Variants in CACNB2 observed in about 807,000 individuals in gnomAD.
CACNB2 encodes the protein calcium voltage-gated channel auxiliary subunit beta 2.
In CACNB2, 42 loss-of-function variants were observed where a neutral mutation model predicts 73.3. The ratio of observed to expected loss-of-function variants is 0.57; its 90% CI spans 0.45 to 0.74. The LOEUF (loss-of-function observed/expected upper bound fraction) is 0.74. Among genes scored for constraint, CACNB2 ranks in the 30% least tolerant of loss-of-function variants. CACNB2 has a pLI of 0.00. For missense variants in CACNB2, 940 were observed against 853.0 expected (o/e 1.10, Z -1.27); for synonymous variants, 348 against 310.3 (o/e 1.12, Z -1.28).
intron 3 of CACNB2, among the ~76,000 whole-genome samples, chr10:18,441,308 G>A (rs1325102280): frequency 1.3e-5 from 2 of 152,192 alleles, no homozygotes; most frequent in African/African-American, 2.4e-5. Flanking sequence ...AGGAGGCTGA[G>A]GCAGGAGAAT....
chr10:18,195,565 A>G (rs946582985), intron 2 of CACNB2, among the ~76,000 whole-genome samples: 1 of 152,230 alleles, frequency 6.6e-6, no homozygotes, highest in African/African-American at 2.4e-5. Flanking sequence ...GAGAGCGTGG[A>G]TTATGAGCTC....
intron 9 of CACNB2, among the ~76,000 whole-genome samples, chr10:18,523,541 C>T (rs2052139030): frequency 6.6e-6 from 1 of 152,206 alleles, no homozygotes; most frequent in Non-Finnish European, 1.5e-5. Context: ...CTTGGCTCAT[C>T]TTGACTTACA....
In CACNB2 at chr10:18,518,349, C is replaced by T. The variant is rs375425461; in HGVS notation, c.818C>T (p.Pro273Leu). The change falls in exon 8 of 14, where the codon CCT becomes CTT. Residue 273 changes from proline to leucine, a missense_variant. Coordinates refer to ENST00000324631, the MANE Select transcript of CACNB2 (RefSeq NM_201596.3). The part of the protein sequence containing the change: ...MPFFKKTEHT[P>L]PYDVVPSMRP... ...CTCTCTCTGCAGACAGAGCACACTC[C>T]TCCGTATGATGTGGTACCTTCCATG... 2.5e-6 allele frequency: 4 copies of T among 1,612,884 alleles called. No homozygotes were observed. Among genetic ancestry groups the T allele is most frequent in the Non-Finnish European group, 2.5e-6 (3 of 1,178,882 alleles).
chr10:18,161,405 T>TGACCATACC (rs1309675545), intron 2 of CACNB2, among the ~76,000 whole-genome samples: 1 of 152,236 alleles, frequency 6.6e-6, no homozygotes, highest in East Asian at 1.9e-4. Flanking sequence ...TACTTTGCCC[T>TGACCATACC]GACCATACTT....
chr10:18,425,785 C>T lies in CACNB2; in HGVS notation c.333+23742C>T, dbSNP rs370162604. ...ATTTCATCTTTCATCTGTAATTCCT[C>T]GATCTTTCTGGAACTGGCTTTTGTA... On this transcript the variant is annotated intron_variant, in intron 3 of 13. Coordinates refer to ENST00000324631, the MANE Select transcript of CACNB2 (RefSeq NM_201596.3). 1.7e-4 allele frequency among the ~76,000 whole-genome samples: 26 copies of T among 152,278 alleles called. 1 individual carries two copies. In the East Asian group the frequency reaches 3.5e-3, roughly 20 times the overall value.
At chr10:18,424,087 T>C (rs2132748502) in intron 3 of CACNB2, among the ~76,000 whole-genome samples, 1 of 152,200 alleles carries the variant, frequency 6.6e-6, no homozygotes, top group South Asian at 2.1e-4. Flanking sequence ...ATACAGAGTG[T>C]CACTAATAGC....
intron 2 of CACNB2, among the ~76,000 whole-genome samples, chr10:18,153,879 G>A (rs2031814365): frequency 6.9e-6 from 1 of 144,566 alleles, no homozygotes; most frequent in Non-Finnish European, 1.5e-5. Flanking sequence ...ACCATGCCCG[G>A]CAGCATACTA....
At chr10:18,476,245 A>T (rs999049996) in intron 3 of CACNB2, among the ~76,000 whole-genome samples, 2 of 152,158 alleles carry the variant, frequency 1.3e-5, no homozygotes, top group African/African-American at 2.4e-5. Context: ...ATGTTAATGC[A>T]TTGTAATTAG....
chr10:18,534,311 G>A, intron 11 of CACNB2, 84 bp downstream of exon 11: 19 of 1,142,214 alleles, frequency 1.7e-5, no homozygotes, highest in Non-Finnish European at 2.5e-5. Flanking sequence ...TTAGGCTATT[G>A]TAATAGCCTT....
chr10:18,366,384 G>A (rs1204517201), intron 2 of CACNB2, among the ~76,000 whole-genome samples: 1 of 149,610 alleles, frequency 6.7e-6, no homozygotes, highest in African/African-American at 2.5e-5. Flanking sequence ...AGAATGGTAC[G>A]AACCCGGGAG....
chr10:18,225,369 A>G (rs943128121), intron 2 of CACNB2, among the ~76,000 whole-genome samples: 2 of 152,088 alleles, frequency 1.3e-5, no homozygotes, highest in African/African-American at 4.8e-5. Context: ...AAAATATTAC[A>G]ACAGCCTTTC....
intron 3 of CACNB2, among the ~76,000 whole-genome samples, chr10:18,471,437 TTAAGA>T (rs1259807786): frequency 6.6e-6 from 1 of 152,244 alleles, no homozygotes; most frequent in Non-Finnish European, 1.5e-5. Flanking sequence ...CAGAATGTAA[TTAAGA>T]TATTTATTTT....
At chr10:18,449,203 T>C (rs574616781) in intron 3 of CACNB2, among the ~76,000 whole-genome samples, 128 of 152,124 alleles carry the variant, frequency 8.4e-4, no homozygotes, top group African/African-American at 2.8e-3. Context: ...GCTAACACGG[T>C]GAAACCCCGT....
rs145176194 is a variant in CACNB2, at chr10:18,380,542, C to T, written c.214-21382C>T. 7.4e-3 allele frequency among the ~76,000 whole-genome samples: 1,108 copies of T among 150,174 alleles called. 12 individuals are homozygous for T. Among genetic ancestry groups the T allele is most frequent in the African/African-American group, 0.025 (1,036 of 40,780 alleles). The stretch of plus-strand genomic sequence containing the variant: ...CAATCTCGGTTCACTGTAACCTCCG[C>T]CTCCTAGGTTCAAGCGATTCTCCTG... On this transcript the variant is annotated intron_variant, in intron 2 of 13. Transcript: ENST00000324631.
At chr10:18,181,531 G>T (rs1389509105) in intron 2 of CACNB2, among the ~76,000 whole-genome samples, 1 of 148,980 alleles carries the variant, frequency 6.7e-6, no homozygotes, top group African/African-American at 2.4e-5. Context: ...AAAATGGCCG[G>T]TAGTCAGAGT....
At chr10:18,499,520 CAGA>C (rs1310838720) in intron 4 of CACNB2, among the ~76,000 whole-genome samples, 1 of 148,164 alleles carries the variant, frequency 6.7e-6, no homozygotes, top group Non-Finnish European at 1.5e-5. Flanking sequence ...GAGGCTGAGG[CAGA>C]AGAATAGCTT....
At chr10:18,361,665 T>G (rs1589139409) in intron 2 of CACNB2, among the ~76,000 whole-genome samples, 1 of 146,988 alleles carries the variant, frequency 6.8e-6, no homozygotes, top group South Asian at 2.1e-4. Context: ...CCGGCTGGAG[T>G]GCAAGTGGCA....
chr10:18,329,528 A>T (rs932858856), intron 2 of CACNB2, among the ~76,000 whole-genome samples: 1 of 149,940 alleles, frequency 6.7e-6, no homozygotes, highest in African/African-American at 2.4e-5. Context: ...AAAAAGCAGG[A>T]TAAGAAGAAA....
chr10:18,293,058 A>G (rs981298891), intron 2 of CACNB2, among the ~76,000 whole-genome samples: 1 of 152,342 alleles, frequency 6.6e-6, no homozygotes. Flanking sequence ...CTTTATATGA[A>G]ATAGCACCAT....
Sources: gnomAD v4.1 joint callset for allele counts (sites outside exome capture counted in the v4.1 genomes callset) on GRCh38, gnomAD v4.1.1 for gene constraint, MANE v1.5 for transcripts, NCBI Gene and HGNC (gene_info 2026-07-23, HGNC 2026-07-21) for gene names.